The following GPC5 variants were observed in gnomAD, a reference collection of about 807,000 sequenced individuals.
The protein encoded by GPC5 is glypican 5, also known as glypican-5.
GPC5 carries 47 observed loss-of-function variants against 53.9 expected under a neutral mutation model. The observed-to-expected ratio is 0.87, with a 90% CI of 0.69 to 1.11. GPC5 has a LOEUF of 1.11. Among genes scored for constraint, GPC5 ranks in the 50% most tolerant of loss-of-function variants. The probability of loss-of-function intolerance (pLI) is 0.00; values close to 1 mark genes in which losing one functional copy is unlikely to be tolerated. For missense variants in GPC5, 748 were observed against 713.1 expected (o/e 1.05, Z -0.56); for synonymous variants, 286 against 263.3 (o/e 1.09, Z -0.84).
At chr13:92,537,589 A>G (rs954619117) in intron 7 of GPC5, among the ~76,000 whole-genome samples, 1 of 152,102 alleles carries the variant, frequency 6.6e-6, no homozygotes, top group Non-Finnish European at 1.5e-5. Context: ...CTGATTGCCT[A>G]ATATAAGTTT....
At chr13:91,966,955 T>C (rs905435056) in intron 6 of GPC5, among the ~76,000 whole-genome samples, 3 of 152,208 alleles carry the variant, frequency 2.0e-5, no homozygotes, top group African/African-American at 7.2e-5. Flanking sequence ...CTATTTCCTA[T>C]ATGTTAAAGT....
chr13:92,210,060 A>G (rs541511163), intron 7 of GPC5, among the ~76,000 whole-genome samples: 1 of 152,152 alleles, frequency 6.6e-6, no homozygotes, highest in South Asian at 2.1e-4. Flanking sequence ...GATTGTGCCC[A>G]CCCAGATTGA....
intron 5 of GPC5, among the ~76,000 whole-genome samples, chr13:91,848,063 G>A (rs2038872311): frequency 6.6e-6 from 1 of 152,154 alleles, no homozygotes; most frequent in Non-Finnish European, 1.5e-5. Context: ...ATAAAAATCA[G>A]TTCACAGTGA....
chr13:91,980,761 A>T (rs7988651), intron 6 of GPC5, among the ~76,000 whole-genome samples: 134,573 of 152,194 alleles, frequency 0.88, 59,919 homozygotes, highest in East Asian at 1. Flanking sequence ...TTACCAGCAC[A>T]CCAGGATCCC....
chr13:91,707,957 G>A lies in GPC5; in HGVS notation c.1020+14076G>A, dbSNP rs534553930. Among the ~76,000 whole-genome samples, 33 of 152,158 alleles carry A rather than the reference G, an allele frequency of 2.2e-4. No homozygotes were observed. In the South Asian group the frequency reaches 5.2e-3, roughly 24 times the overall value. The stretch of plus-strand genomic sequence containing the variant: ...ATAAAATGTTCTATATACATATAAT[G>A]GAATATTTTTTGGTAATAAAAAGGA... On this transcript the variant is annotated intron_variant, in intron 3 of 7. Coordinates refer to ENST00000377067, the MANE Select transcript of GPC5 (RefSeq NM_004466.6).
intron 7 of GPC5, among the ~76,000 whole-genome samples, chr13:92,844,968 T>C (rs1594545377): frequency 6.6e-6 from 1 of 152,162 alleles, no homozygotes; most frequent in East Asian, 1.9e-4. Context: ...GGAAAATTAT[T>C]AAGTTTCCAT....
At chr13:91,457,260 G>T (rs1188155408) in intron 2 of GPC5, among the ~76,000 whole-genome samples, 1 of 151,754 alleles carries the variant, frequency 6.6e-6, no homozygotes, top group East Asian at 1.9e-4. Context: ...AACATTTTCA[G>T]TATTTTGAGG....
At chr13:92,298,372 A>C (rs182485123) in intron 7 of GPC5, among the ~76,000 whole-genome samples, 1 of 152,306 alleles carries the variant, frequency 6.6e-6, no homozygotes, top group East Asian at 1.9e-4. Context: ...TTGTTACAAA[A>C]TTCAACCGGA....
intron 5 of GPC5, among the ~76,000 whole-genome samples, chr13:91,846,650 C>A (rs1405998258): frequency 2.0e-5 from 3 of 151,786 alleles, no homozygotes; most frequent in African/African-American, 7.3e-5. Flanking sequence ...GAAGGAGGAA[C>A]TAAGTGTAAT....
chr13:92,151,135 T>C (rs2041904870), intron 7 of GPC5, among the ~76,000 whole-genome samples: 1 of 152,098 alleles, frequency 6.6e-6, no homozygotes, highest in African/African-American at 2.4e-5. Flanking sequence ...CTTCAGTCCC[T>C]CTAACTGTGT....
At chr13:91,728,913 A>G (rs2036634830) in intron 4 of GPC5, among the ~76,000 whole-genome samples, 1 of 152,144 alleles carries the variant, frequency 6.6e-6, no homozygotes, top group Non-Finnish European at 1.5e-5. Flanking sequence ...ATGGAAGGTC[A>G]TATTGGGGGC....
At chr13:91,789,571 T>G (rs2037931561) in intron 5 of GPC5, among the ~76,000 whole-genome samples, 1 of 152,190 alleles carries the variant, frequency 6.6e-6, no homozygotes, top group African/African-American at 2.4e-5. Context: ...CTGCTAAACT[T>G]GGCTTTATTC....
chr13:92,363,472 G>A (rs971958268), intron 7 of GPC5, among the ~76,000 whole-genome samples: 2 of 151,670 alleles, frequency 1.3e-5, no homozygotes, highest in African/African-American at 4.9e-5. Flanking sequence ...CTCATAAGGA[G>A]TACACAACCT....
chr13:91,699,794 T>C (rs557656784), intron 3 of GPC5, among the ~76,000 whole-genome samples: 2 of 152,328 alleles, frequency 1.3e-5, no homozygotes, highest in South Asian at 4.1e-4. Context: ...CACAGTTCTA[T>C]GTAGAGATCT....
At chr13:92,863,715 A>AC (rs1399240055) in intron 7 of GPC5, among the ~76,000 whole-genome samples, 1 of 151,902 alleles carries the variant, frequency 6.6e-6, no homozygotes, top group East Asian at 1.9e-4. Context: ...CTGGTCTTGT[A>AC]CTCCCGACCT....
At chr13:92,850,618 A>C (rs1463030957) in intron 7 of GPC5, among the ~76,000 whole-genome samples, 2 of 152,222 alleles carry the variant, frequency 1.3e-5, no homozygotes, top group South Asian at 2.1e-4. Flanking sequence ...AAAAAAAATC[A>C]TACAGGGATA....
At chr13:92,258,988 T>C (rs535626817) in intron 7 of GPC5, among the ~76,000 whole-genome samples, 1 of 152,324 alleles carries the variant, frequency 6.6e-6, no homozygotes, top group South Asian at 2.1e-4. Flanking sequence ...AATTTACGTC[T>C]TGTGAGATAG....
chr13:92,522,872 C>G (rs1881120970), intron 7 of GPC5, among the ~76,000 whole-genome samples: 1 of 151,530 alleles, frequency 6.6e-6, no homozygotes, highest in Non-Finnish European at 1.5e-5. Context: ...GTTTTTTTTC[C>G]TGAGCCAATA....
intron 7 of GPC5, among the ~76,000 whole-genome samples, chr13:92,350,037 T>G (rs1235941625): frequency 1.3e-5 from 2 of 152,188 alleles, no homozygotes; most frequent in Admixed American, 1.3e-4. Context: ...TCATCCATCA[T>G]GATCAAGTGG....
Sources: gnomAD v4.1 joint callset for allele counts (sites outside exome capture counted in the v4.1 genomes callset) on GRCh38, gnomAD v4.1.1 for gene constraint, MANE v1.5 for transcripts, NCBI Gene and HGNC (gene_info 2026-07-23, HGNC 2026-07-21) for gene names.